Variants in PSG11 observed in about 807,000 individuals in gnomAD.
The protein encoded by PSG11 is pregnancy specific beta-1-glycoprotein 11.
In PSG11, 42 loss-of-function variants were observed where a neutral mutation model predicts 36.0. The observed-to-expected ratio is 1.17, with a 90% CI of 0.91 to 1.51. PSG11 has a LOEUF of 1.51. Among genes scored for constraint, PSG11 ranks in the 40% most tolerant of loss-of-function variants. The pLI, the probability that PSG11 is intolerant of heterozygous loss-of-function variation, is 0.00. For missense variants in PSG11, 558 were observed against 403.5 expected (o/e 1.38, Z -3.28); for synonymous variants, 206 against 153.5 (o/e 1.34, Z -2.53).
At chr19:43,012,632 G>A (rs1974105471) in intron 4 of PSG11, among the ~76,000 whole-genome samples, 1 of 151,362 alleles carries the variant, frequency 6.6e-6, no homozygotes, top group Admixed American at 6.6e-5. Context: ...TGAAAGAAAT[G>A]AAAGACAATA....
chr19:43,008,906 T>A (rs1250198948), intron 5 of PSG11, among the ~76,000 whole-genome samples: 1 of 151,258 alleles, frequency 6.6e-6, no homozygotes, highest in African/African-American at 2.4e-5. Context: ...CAGGGAAGAC[T>A]TAAAAATTAC....
intron 4 of PSG11, 128 bp downstream of exon 4, chr19:43,014,988 G>A (rs1966921660): frequency 1.3e-6 from 2 of 1,576,906 alleles, no homozygotes; most frequent in African/African-American, 1.4e-5. Flanking sequence ...GGTTCAGGAG[G>A]AGAATTTGGG....
intron 3 of PSG11, chr19:43,015,741 C>G (rs766766630): frequency 2.1e-5 from 34 of 1,607,868 alleles, no homozygotes; most frequent in Non-Finnish European, 2.9e-5. Flanking sequence ...AGCTGGTGTC[C>G]TGGCCCACAG....
chr19:43,010,460 C>G, intron 4 of PSG11: 4 of 1,257,042 alleles, frequency 3.2e-6, no homozygotes, highest in Admixed American at 4.2e-5. Context: ...CAGTGCATTT[C>G]AAATTCACCA....
At position 43,019,274 on chromosome 19, in the gene PSG11, T is replaced by A. The variant is rs151216301; in HGVS notation, c.431-226A>T. The A allele has an allele frequency of 9.2e-3, 9,136 of 991,136 alleles. 557 individuals carry two copies. The East Asian group carries it at 0.14, about 15-fold the overall frequency. 61.4% of individuals were successfully genotyped at this position (991,136 alleles called of 1,614,324 possible). Reference sequence around the variant, plus strand: ...AGCACAGACTTTCTCAGGTGTGAATTGAGCAGCAGCATTGGGTCATGGAAA... The same window carrying A: ...AGCACAGACTTTCTCAGGTGTGAATAGAGCAGCAGCATTGGGTCATGGAAA... On this transcript the variant is annotated intron_variant, in intron 2 of 5. Transcript: ENST00000320078.
In PSG11 at chr19:43,015,986, C is replaced by T. The variant is rs766792758; in HGVS notation, c.710-616G>A. 4.3e-6 allele frequency: 7 copies of T among 1,610,178 alleles called. 1 individual carries two copies. The highest frequency in any genetic ancestry group is 2.1e-4 in the Middle Eastern group (1 of 4,752). ...TTAGGTTCACAGGTGAAGGTTAAGA[C>T]ATCCTTATTCTCCCTGGGGTTTAAG... On this transcript the variant is annotated intron_variant, in intron 3 of 5. Coordinates refer to ENST00000320078, the MANE Select transcript of PSG11 (RefSeq NM_002785.3).
At chr19:43,018,552 G>C (rs1394309468) in intron 3 of PSG11, 1 of 1,106,004 alleles carries the variant, frequency 9.0e-7, no homozygotes, top group East Asian at 2.5e-5. Context: ...ACAATCTGTG[G>C]ACCCTGAGCC....
At chr19:43,008,702 CT>C (rs1364756851) in intron 5 of PSG11, among the ~76,000 whole-genome samples, 1 of 151,144 alleles carries the variant, frequency 6.6e-6, no homozygotes, top group Non-Finnish European at 1.5e-5. Context: ...TTCCATTCAG[CT>C]TCTGTTTCTC....
At chr19:43,021,584 C>A (rs1349257817) in intron 2 of PSG11, among the ~76,000 whole-genome samples, 1 of 151,370 alleles carries the variant, frequency 6.6e-6, no homozygotes, top group Non-Finnish European at 1.5e-5. Context: ...ATCTCCTGAC[C>A]TTGTGCCTGC....
intron 2 of PSG11, among the ~76,000 whole-genome samples, chr19:43,023,975 G>A (rs1234953524): frequency 1.3e-5 from 2 of 151,446 alleles, no homozygotes. Flanking sequence ...GCTGCTACCA[G>A]GTACATCTTC....
intron 3 of PSG11, among the ~76,000 whole-genome samples, chr19:43,016,420 A>T (rs1966968710): frequency 1.3e-5 from 2 of 151,076 alleles, no homozygotes; most frequent in South Asian, 4.2e-4. Flanking sequence ...TCCAAATTCC[A>T]TCCTACTTTG....
intron 5 of PSG11, among the ~76,000 whole-genome samples, chr19:43,009,381 T>C (rs991175288): frequency 2.6e-5 from 4 of 151,250 alleles, no homozygotes; most frequent in African/African-American, 9.8e-5. Context: ...TCTATATGGG[T>C]GAAGGGGCAG....
At chr19:43,013,208 A>C (rs745362465) in intron 4 of PSG11, among the ~76,000 whole-genome samples, 1 of 151,452 alleles carries the variant, frequency 6.6e-6, no homozygotes, top group East Asian at 1.9e-4. Flanking sequence ...ATTTCACAAT[A>C]ATTCCTTGGT....
At chr19:43,008,091 G>T in intron 5 of PSG11, 49 bp from the exon 6 acceptor site, 2 of 337,632 alleles carry the variant, frequency 5.9e-6, no homozygotes, top group Non-Finnish European at 1.1e-5. Context: ...AATACTTTGA[G>T]GAAGAATCAA....
intron 4 of PSG11, chr19:43,014,390 T>C: frequency 1.1e-6 from 1 of 938,026 alleles, no homozygotes. Flanking sequence ...CTCAGTGCTG[T>C]GTCCCACGTG....
intron 2 of PSG11, chr19:43,019,355 A>G (rs1967047740): frequency 2.3e-6 from 1 of 429,486 alleles, no homozygotes; most frequent in East Asian, 4.6e-5. Context: ...TCCATCTCCA[A>G]CTGCCTGCCT....
chr19:43,013,534 A>G lies in PSG11; in HGVS notation c.964+1582T>C, dbSNP rs1447990049. On this transcript the variant is annotated intron_variant, in intron 4 of 5. Coordinates refer to ENST00000320078, the MANE Select transcript of PSG11 (RefSeq NM_002785.3). Reference sequence around the variant, plus strand: ...TCCTCAGCATCATGAATACTTAGAGATATACAAATCAAAACCACAATGTTA... The same window carrying G: ...TCCTCAGCATCATGAATACTTAGAGGTATACAAATCAAAACCACAATGTTA... Among the ~76,000 whole-genome samples, 10 of 151,450 alleles carry G rather than the reference A, an allele frequency of 6.6e-5. 1 individual carries two copies. The East Asian group carries it at 1.9e-3, about 29-fold the overall frequency.
Position 43,018,720 on chromosome 19 carries a change from T to C in PSG11, c.709+50A>G, listed in dbSNP as rs373909108. 391 of 1,611,792 alleles carry C rather than the reference T, an allele frequency of 2.4e-4. 12 individuals are homozygous for C. In the African/African-American group the frequency reaches 4.2e-3, roughly 17 times the overall value. On this transcript the variant is annotated intron_variant, in intron 3 of 5. Transcript: ENST00000320078. ...GACTGAGAGGCCTGGCCTCTGGCCA[T>C]GTGTATTTGGGATGGCAGCCTGGCT...
At position 43,015,711 on chromosome 19, in the gene PSG11, C is replaced by T; in HGVS notation, c.710-341G>A. The T allele has an allele frequency of 1.9e-6, 3 of 1,597,958 alleles. No homozygotes were observed. In the Admixed American group the frequency reaches 5.1e-5, roughly 27 times the overall value. Reference sequence around the variant, plus strand: ...ACCGGAGAGAGACTGAGAGGCCTGGCCCCTGGTCGTTTGGATTTAAGCTGG... The same window carrying T: ...ACCGGAGAGAGACTGAGAGGCCTGGTCCCTGGTCGTTTGGATTTAAGCTGG... On this transcript the variant is annotated intron_variant, in intron 3 of 5. Coordinates refer to ENST00000320078, the MANE Select transcript of PSG11 (RefSeq NM_002785.3).
Sources: gnomAD v4.1 joint callset for allele counts (sites outside exome capture counted in the v4.1 genomes callset) on GRCh38, gnomAD v4.1.1 for gene constraint, MANE v1.5 for transcripts, NCBI Gene and HGNC (gene_info 2026-07-23, HGNC 2026-07-21) for gene names.